Variants in MACC1 observed in about 807,000 individuals in gnomAD.
MACC1 encodes the protein metastasis-associated in colon cancer protein 1.
A neutral mutation model predicts 70.7 loss-of-function variants in MACC1; 79 were observed. The ratio of observed to expected loss-of-function variants is 1.12; its 90% CI spans 0.93 to 1.35. The LOEUF (loss-of-function observed/expected upper bound fraction) is 1.35. Ranked by LOEUF, MACC1 falls within the 40% of genes most tolerant of loss-of-function variation. MACC1 has a pLI of 0.00. For synonymous variants in MACC1, 361 were observed against 347.2 expected, an observed-to-expected ratio of 1.04 and a Z score of -0.44; for missense variants, 1,106 against 978.1, an observed-to-expected ratio of 1.13 and a Z score of -1.74.
intron 6 of MACC1, among the ~76,000 whole-genome samples, chr7:20,153,811 T>C (rs1195783400): frequency 1.3e-5 from 2 of 152,178 alleles, no homozygotes; most frequent in South Asian, 2.1e-4. Flanking sequence ...CTGAGGCCGA[T>C]AAGTACATAT....
chr7:20,154,080 G>A (rs562742602), intron 6 of MACC1, 113 bp downstream of exon 6: 39 of 1,045,574 alleles, frequency 3.7e-5, no homozygotes, highest in Non-Finnish European at 5.3e-5. Flanking sequence ...TCAGTTAGTG[G>A]ATCATCTTGG....
Position 20,159,442 on chromosome 7 carries a change from C to T in MACC1, c.919G>A (p.Glu307Lys). The T allele has an allele frequency of 6.2e-7, 1 of 1,614,050 alleles. No homozygotes were observed. The highest frequency in any genetic ancestry group is 8.5e-7 in the Non-Finnish European group (1 of 1,180,028). ...RKDPFSQVMT[E>K]MVCLHSLGKE... ...CCCAAGCTGTGTAAACACACCATTT[C>T]TGTCATGACTTGGCTGAAAGGATCC... The change falls in exon 5 of 7, where the codon GAA becomes AAA. Residue 307 changes from glutamate to lysine, a missense_variant. Transcript: ENST00000400331.
chr7:20,145,402 G>A lies in MACC1; in HGVS notation c.2347-4244C>T, dbSNP rs1174703121. On this transcript the variant is annotated intron_variant, in intron 6 of 6. Coordinates refer to ENST00000400331, the MANE Select transcript of MACC1 (RefSeq NM_182762.4). ...GACACCAAACAAATGGGTCACATCT[G>A]AAATTTGAGTGTCAAAGGAAGAGAG... 2.0e-5 allele frequency among the ~76,000 whole-genome samples: 3 copies of A among 152,212 alleles called. No individual in the cohort carries two copies. In the East Asian group the frequency reaches 5.8e-4, roughly 29 times the overall value.
chr7:20,212,790 C>T (rs1783016951), intron 1 of MACC1, among the ~76,000 whole-genome samples: 1 of 152,102 alleles, frequency 6.6e-6, no homozygotes, highest in Non-Finnish European at 1.5e-5. Context: ...TTCTCTCAGA[C>T]CACCAAGCTT....
intron 6 of MACC1, among the ~76,000 whole-genome samples, chr7:20,145,939 G>C (rs1448072811): frequency 6.6e-6 from 1 of 152,058 alleles, no homozygotes; most frequent in African/African-American, 2.4e-5. Context: ...GAGGTGGGTG[G>C]ATCATGAGGT....
At chr7:20,158,098 C>G (rs765222755) in intron 5 of MACC1, 106 bp downstream of exon 5, 8 of 1,332,986 alleles carry the variant, frequency 6.0e-6, no homozygotes, top group Non-Finnish European at 8.1e-6. Context: ...GTATTTAAGA[C>G]TGTTGAATTT....
intron 1 of MACC1, among the ~76,000 whole-genome samples, chr7:20,181,812 T>C (rs931342032): frequency 2.0e-5 from 3 of 151,944 alleles, no homozygotes; most frequent in Non-Finnish European, 2.9e-5. Flanking sequence ...AATTAAAACA[T>C]AGAACTTTCA....
intron 1 of MACC1, among the ~76,000 whole-genome samples, chr7:20,210,738 C>T (rs1397956079): frequency 1.3e-5 from 2 of 152,130 alleles, no homozygotes; most frequent in Non-Finnish European, 2.9e-5. Flanking sequence ...CTGCTATATC[C>T]CACAATGTAG....
intron 1 of MACC1, among the ~76,000 whole-genome samples, chr7:20,188,992 T>C (rs1782632711): frequency 6.6e-6 from 1 of 152,222 alleles, no homozygotes; most frequent in Non-Finnish European, 1.5e-5. Context: ...ACGTAGACTC[T>C]AGCTGCACTG....
intron 1 of MACC1, among the ~76,000 whole-genome samples, chr7:20,176,686 A>G (rs1782398108): frequency 6.6e-6 from 1 of 152,170 alleles, no homozygotes; most frequent in African/African-American, 2.4e-5. Context: ...AATGTCCTTC[A>G]GTGAGTAAAT....
intron 1 of MACC1, among the ~76,000 whole-genome samples, chr7:20,190,281 A>G (rs1782653214): frequency 6.6e-6 from 1 of 152,220 alleles, no homozygotes; most frequent in African/African-American, 2.4e-5. Flanking sequence ...TCTGCTGAAT[A>G]TCAAAGATAA....
At position 20,158,845 on chromosome 7, in the gene MACC1, C is replaced by G. The variant is rs755778669; in HGVS notation, c.1516G>C (p.Asp506His). The change falls in exon 5 of 7, where the codon GAT becomes CAT. Residue 506 changes from aspartate (D) to histidine (H), a missense_variant. Physicochemically the swap from Asp to His is moderately conservative, Grantham distance 81. Coordinates refer to ENST00000400331, the MANE Select transcript of MACC1 (RefSeq NM_182762.4). ...AGTCTTTTTAGGTTTGGGGTTGGAT[C>G]AGGAGTAGTGATAGAGAACTGTGCA... ...PVAQFSITTP[D>H]PTPNLKRLSN... is the part of the protein sequence containing the mutation. 1 of 1,614,076 alleles carries G rather than the reference C, an allele frequency of 6.2e-7. No homozygotes were observed. The highest frequency in any genetic ancestry group is 8.5e-7 in the Non-Finnish European group (1 of 1,180,008).
At chr7:20,213,420 A>T (rs1783026486) in intron 1 of MACC1, among the ~76,000 whole-genome samples, 3 of 152,262 alleles carry the variant, frequency 2.0e-5, no homozygotes, top group Admixed American at 6.5e-5. Context: ...CAATCCCATT[A>T]CTGGGTATAT....
chr7:20,207,134 TA>T (rs1365308950), intron 1 of MACC1, among the ~76,000 whole-genome samples: 5 of 152,044 alleles, frequency 3.3e-5, no homozygotes. Flanking sequence ...AATCCATTGT[TA>T]ACTTTTTCTT....
intron 6 of MACC1, among the ~76,000 whole-genome samples, chr7:20,148,314 C>G (rs1334760651): frequency 2.0e-5 from 3 of 152,154 alleles, no homozygotes; most frequent in African/African-American, 4.8e-5. Context: ...AGTCAACTAT[C>G]CAGGAAAAGA....
chr7:20,168,801 A>G (rs1782259708), intron 2 of MACC1, among the ~76,000 whole-genome samples: 1 of 152,172 alleles, frequency 6.6e-6, no homozygotes, highest in South Asian at 2.1e-4. Context: ...GGTTCCTCTC[A>G]ACAGAGTTTC....
At chr7:20,170,249 G>A (rs1466594721) in intron 2 of MACC1, 1 of 152,158 alleles carries the variant, frequency 6.6e-6, no homozygotes, top group African/African-American at 2.4e-5. Flanking sequence ...TTCAAAAAGT[G>A]GTTACAATGA....
At chr7:20,192,259 A>G (rs1782683489) in intron 1 of MACC1, among the ~76,000 whole-genome samples, 1 of 152,240 alleles carries the variant, frequency 6.6e-6, no homozygotes, top group Admixed American at 6.5e-5. Flanking sequence ...AAAAAGAAGA[A>G]AACAATTAGG....
rs1294054710 is a variant in MACC1, at chr7:20,161,916, G to A, written c.-8-46C>T. ...TATTTTTTGTAAGCATACATATACA[G>A]GCTGGCAGAGAAAATAAACTCAAAG... On this transcript the variant is annotated intron_variant, in intron 3 of 6. Coordinates refer to ENST00000400331, the MANE Select transcript of MACC1 (RefSeq NM_182762.4). The A allele has an allele frequency of 3.6e-6, 4 of 1,122,038 alleles. No homozygotes were observed. In the East Asian group the frequency reaches 9.5e-5, roughly 27 times the overall value. The allele number at this position is 1,122,038 out of a possible 1,614,324, so 69.5% of individuals were successfully genotyped here.
Sources: allele counts gnomAD v4.1 joint callset (sites outside exome capture counted in the v4.1 genomes callset), GRCh38; gene constraint gnomAD v4.1.1; transcripts MANE v1.5; gene names NCBI Gene and HGNC (gene_info 2026-07-23, HGNC 2026-07-21).